Variants in POLE observed in about 807,000 individuals in gnomAD.
POLE encodes DNA polymerase epsilon, catalytic subunit.
A neutral mutation model predicts 279.2 loss-of-function variants in POLE; 188 were observed. The ratio of observed to expected loss-of-function variants is 0.67; its 90% CI spans 0.60 to 0.76. POLE has a LOEUF of 0.76. POLE is among the 30% of genes least tolerant of loss of function. The pLI is 0.00. For missense variants in POLE, 2,703 were observed against 3,016.7 expected (o/e 0.90, Z 2.44); for synonymous variants, 1,214 against 1,172.5 (o/e 1.04, Z -0.72).
chr12:132,640,659 G>A (rs4883616), intron 39 of POLE, among the ~76,000 whole-genome samples: 77,768 of 152,146 alleles, frequency 0.51, 20,666 homozygotes, highest in East Asian at 0.7. Flanking sequence ...CTGAAGAAGC[G>A]GGAACTTCAA....
rs1026603572 is a variant in POLE, at chr12:132,661,815, G to A, written c.2707-131C>T. 4 of 887,274 alleles carry A rather than the reference G, an allele frequency of 4.5e-6. No individual in the cohort carries two copies. The African/African-American group carries it at 6.7e-5, about 15-fold the overall frequency. The allele number at this position is 887,274 out of a possible 1,614,324, so 55.0% of individuals were successfully genotyped here. A position where few individuals can be genotyped will look rare whatever the true frequency, so the allele number is the denominator to read the frequency against. On this transcript the variant is annotated intron_variant, in intron 23 of 48. Transcript: ENST00000320574. The surrounding 1 kb of genome is among the most constrained non-coding windows in gnomAD (Gnocchi z 4.1). Reference sequence around the variant, plus strand: ...TCCACATAACTAACACGACTTGGCAGCAGGAAGGAAGGAAGTTCTGATGCA... The same window carrying A: ...TCCACATAACTAACACGACTTGGCAACAGGAAGGAAGGAAGTTCTGATGCA...
intron 38 of POLE, 91 bp from the exon 39 acceptor site, chr12:132,641,942 G>T: frequency 7.8e-7 from 1 of 1,283,720 alleles, no homozygotes; most frequent in Non-Finnish European, 1.1e-6. Context: ...ACCACCTCCA[G>T]AACCAGCAAC....
Position 132,649,815 on chromosome 12 carries a change from C to G in POLE, c.3657G>C (p.Lys1219Asn), listed in dbSNP as rs1593751325. 6.2e-7 allele frequency: 1 copy of G among 1,614,162 alleles called. No individual in the cohort carries two copies. The highest frequency in any genetic ancestry group is 8.5e-7 in the Non-Finnish European group (1 of 1,180,026). The change falls in exon 30 of 49, where the codon AAG becomes AAC. Residue 1219 changes from lysine (K) to asparagine (N), a missense_variant. Physicochemically the swap from Lys to Asn is moderately conservative, Grantham distance 94. This residue lies in a region of POLE where 1,551 missense variants were observed against 1,686.1 expected (regional missense o/e 0.92). Transcript: ENST00000320574. The stretch of plus-strand genomic sequence containing the variant: ...TGACAGGGGCTGCTGGGTGAGGCAG[C>G]TTTACGAGGCCGAAGTCCTCCATGT... Reference protein sequence around the residue: ...APDMEDFGLVKLPHPAAPVTV... With the variant: ...APDMEDFGLVNLPHPAAPVTV...
At chr12:132,665,790 C>A (rs542618486) in intron 20 of POLE, among the ~76,000 whole-genome samples, 2 of 152,166 alleles carry the variant, frequency 1.3e-5, no homozygotes, top group East Asian at 1.9e-4. Context: ...CCACAGATGT[C>A]TCATCAAATT....
In POLE at chr12:132,634,784, C is replaced by G. The variant is rs2042002407; in HGVS notation, c.5812-406G>C. On this transcript the variant is annotated intron_variant, in intron 42 of 48. Transcript: ENST00000320574. The surrounding 1 kb of genome is among the most constrained non-coding windows in gnomAD (Gnocchi z 4.0). Reference sequence around the variant, plus strand: ...GCCTCCCGCGCAGCCTGTGTTCGTGCCACGGCACCATCCACGTCTGTGTAG... The same window carrying G: ...GCCTCCCGCGCAGCCTGTGTTCGTGGCACGGCACCATCCACGTCTGTGTAG... Among the ~76,000 whole-genome samples the G allele has an allele frequency of 1.3e-5, 2 of 152,174 alleles. No individual in the cohort carries two copies.
rs2042024842 is a variant in POLE at position 132,635,997 on chromosome 12, A to G, written c.5706T>C (p.Ser1902=). The change falls in exon 42 of 49, where the codon TCT becomes TCC. Residue 1902 remains serine (S), a synonymous_variant. Coordinates refer to ENST00000320574, the MANE Select transcript of POLE (RefSeq NM_006231.4). ...SSIHSKETFH[S]LTISFSRCWE... ...AGCATCGAGAGAAAGAAATTGTCAG[A>G]GAATGGAAGGTCTCCTTTGAATGGA... The G allele has an allele frequency of 6.2e-7, 1 of 1,613,992 alleles. No individual in the cohort carries two copies. The highest frequency in any genetic ancestry group is 8.5e-7 in the Non-Finnish European group (1 of 1,179,916).
At chr12:132,652,263 C>T (rs1410361722) in intron 29 of POLE, among the ~76,000 whole-genome samples, 1 of 151,690 alleles carries the variant, frequency 6.6e-6, no homozygotes, top group Non-Finnish European at 1.5e-5. Flanking sequence ...AAAAGCCCTT[C>T]CCACCCCAGC....
At chr12:132,685,686 T>C (rs965864701) in intron 1 of POLE, among the ~76,000 whole-genome samples, 3 of 152,088 alleles carry the variant, frequency 2.0e-5, no homozygotes, top group African/African-American at 7.2e-5. Context: ...TCAGTAACCG[T>C]CTCTAAGCTC....
At position 132,634,347 on chromosome 12, in the gene POLE, T is replaced by C. The variant is rs372504703; in HGVS notation, c.5843A>G (p.Asp1948Gly). The change falls in exon 43 of 49, where the codon GAT (aspartate) becomes GGT (glycine). Residue 1948 changes from aspartate (D) to glycine (G), a missense_variant. This residue lies in a region of POLE where 1,551 missense variants were observed against 1,686.1 expected (regional missense o/e 0.92). Coordinates refer to ENST00000320574, the MANE Select transcript of POLE (RefSeq NM_006231.4). The surrounding 1 kb of genome is among the most constrained non-coding windows in gnomAD (Gnocchi z 4.0). ...QDSQKAGGAE[D>G]EQENEDDEEE... The stretch of plus-strand genomic sequence containing the variant: ...CTCATCGTCCTCATTTTCCTGCTCA[T>C]CCTCTGCTCCCCCTGCTTTCTGGGA... 2.5e-6 allele frequency: 4 copies of C among 1,613,872 alleles called. No individual in the cohort carries two copies. The African/African-American group carries it at 5.3e-5, about 22-fold the overall frequency.
At chr12:132,671,280 A>T (rs2135986949) in intron 16 of POLE, among the ~76,000 whole-genome samples, 1 of 149,694 alleles carries the variant, frequency 6.7e-6, no homozygotes. Flanking sequence ...AAAAAAAAAA[A>T]AAAAAAAGTT....
intron 13 of POLE, 134 bp from the exon 14 acceptor site, chr12:132,673,411 CGT>C: frequency 1.7e-6 from 2 of 1,195,380 alleles, no homozygotes; most frequent in South Asian, 2.6e-5. Context: ...GGACAAAACA[CGT>C]GTGTCCCGGA....
chr12:132,636,007 G>T lies in POLE; in HGVS notation c.5696C>A (p.Thr1899Asn), dbSNP rs757685059. 2 of 1,613,794 alleles carry T rather than the reference G, an allele frequency of 1.2e-6. No homozygotes were observed. The highest frequency in any genetic ancestry group is 1.7e-6 in the Non-Finnish European group (2 of 1,179,850). ...YITSSIHSKE[T>N]FHSLTISFSR... ...GAAAGAAATTGTCAGAGAATGGAAG[G>T]TCTCCTTTGAATGGATGCTGCAGAG... The change falls in exon 42 of 49, where the codon ACC becomes AAC. Residue 1899 changes from threonine to asparagine, a missense_variant. By Grantham distance (65) the Thr-to-Asn change is moderately conservative. This residue lies in a region of POLE where 1,551 missense variants were observed against 1,686.1 expected (regional missense o/e 0.92). Transcript: ENST00000320574.
chr12:132,673,484 C>A (rs2135998149), intron 13 of POLE, 91 bp downstream of exon 13: 2 of 1,551,940 alleles, frequency 1.3e-6, no homozygotes, highest in Non-Finnish European at 1.7e-6. Flanking sequence ...GCAGGGGGAG[C>A]CGGGATGTGG....
At position 132,634,814 on chromosome 12, in the gene POLE, C is replaced by T. The variant is rs569279800; in HGVS notation, c.5812-436G>A. Among the ~76,000 whole-genome samples, 16 of 152,272 alleles carry T rather than the reference C, an allele frequency of 1.1e-4. No individual in the cohort carries two copies. The highest frequency in any genetic ancestry group is 3.6e-4 in the African/African-American group (15 of 41,546). Reference sequence around the variant, plus strand: ...GCACCATCCACGTCTGTGTAGACACCGACACCCACTGCCACCTGCCCTGAC... The same window carrying T: ...GCACCATCCACGTCTGTGTAGACACTGACACCCACTGCCACCTGCCCTGAC... On this transcript the variant is annotated intron_variant, in intron 42 of 48. Coordinates refer to ENST00000320574, the MANE Select transcript of POLE (RefSeq NM_006231.4). This position sits in a 1 kb window ranked among gnomAD's most constrained non-coding sequence, Gnocchi z 4.0.
At chr12:132,647,214 G>C (rs1299387146) in intron 32 of POLE, among the ~76,000 whole-genome samples, 1 of 152,016 alleles carries the variant, frequency 6.6e-6, no homozygotes, top group Non-Finnish European at 1.5e-5. Context: ...CAGGAGGATT[G>C]CTTGAGCCCA....
intron 32 of POLE, 36 bp from the exon 33 acceptor site, chr12:132,644,013 G>T (rs755471365): frequency 6.2e-7 from 1 of 1,600,816 alleles, no homozygotes. Context: ...GTCACTGGGC[G>T]TAAGTGGTAA....
intron 32 of POLE, among the ~76,000 whole-genome samples, chr12:132,647,316 A>G (rs1211914950): frequency 6.6e-6 from 1 of 152,136 alleles, no homozygotes; most frequent in African/African-American, 2.4e-5. Context: ...GAAACAAAAA[A>G]GTTAAACAAA....
In POLE at chr12:132,632,343, G is replaced by T; in HGVS notation, c.6302C>A (p.Ala2101Asp). 6.2e-7 allele frequency: 1 copy of T among 1,614,150 alleles called. No individual in the cohort carries two copies. The highest frequency in any genetic ancestry group is 1.1e-5 in the South Asian group (1 of 91,082). The change falls in exon 45 of 49, where the codon GCC (alanine) becomes GAC (aspartate). Residue 2101 changes from alanine (A) to aspartate (D), a missense_variant. Coordinates refer to ENST00000320574, the MANE Select transcript of POLE (RefSeq NM_006231.4). Reference sequence around the variant, plus strand: ...GCACACGTATTTGATGAACTCCAGGGCAGGGTTATTGAGCAGCAAGTGGGA... The same window carrying T: ...GCACACGTATTTGATGAACTCCAGGTCAGGGTTATTGAGCAGCAAGTGGGA... ...PGSHLLLNNP[A>D]LEFIKYVCKV...
At chr12:132,677,022 A>C (rs2043068752) in intron 8 of POLE, among the ~76,000 whole-genome samples, 1 of 152,204 alleles carries the variant, frequency 6.6e-6, no homozygotes, top group African/African-American at 2.4e-5. Context: ...AGACTTTCCC[A>C]ACACCACAAA....
Sources: gnomAD v4.1 joint callset for allele counts (sites outside exome capture counted in the v4.1 genomes callset) on GRCh38, gnomAD v4.1.1 for gene constraint, gnomAD v4.1.1 regional missense constraint, Gnocchi (gnomAD v3.1) non-coding constraint, MANE v1.5 for transcripts, NCBI Gene and HGNC (gene_info 2026-07-23, HGNC 2026-07-21) for gene names.